DLG2: variants seen among roughly 807,000 people sequenced by gnomAD.
DLG2 encodes disks large homolog 2.
A neutral mutation model predicts 132.5 loss-of-function variants in DLG2; 45 were observed. That is an observed-to-expected ratio of 0.34 (90% CI 0.27 to 0.44). The LOEUF (loss-of-function observed/expected upper bound fraction) is 0.44. Ranked by LOEUF, DLG2 falls within the 20% of genes least tolerant of loss-of-function variation. The pLI is 1.00. For synonymous variants in DLG2, 424 were observed against 419.6 expected (o/e 1.01, Z -0.13); for missense variants, 1,045 against 1,196.9 (o/e 0.87, Z 1.87).
chr11:85,497,060 A>T (rs2093683638), intron 3 of DLG2, among the ~76,000 whole-genome samples: 1 of 152,078 alleles, frequency 6.6e-6, no homozygotes, highest in African/African-American at 2.4e-5. Flanking sequence ...AAGGGAACAA[A>T]ATGAGATGGA....
At chr11:83,798,439 T>C (rs1049431998) in intron 17 of DLG2, among the ~76,000 whole-genome samples, 2 of 152,228 alleles carry the variant, frequency 1.3e-5, no homozygotes, top group Non-Finnish European at 2.9e-5. Flanking sequence ...GACCAGGACT[T>C]TTAACTGGCT....
At chr11:84,011,920 A>T (rs1017201201) in intron 11 of DLG2, among the ~76,000 whole-genome samples, 5 of 152,254 alleles carry the variant, frequency 3.3e-5, no homozygotes, top group Admixed American at 1.3e-4. Context: ...ATGTGTTTCA[A>T]TTCAAAGCTA....
intron 6 of DLG2, among the ~76,000 whole-genome samples, chr11:85,068,296 G>C (rs933537611): frequency 2.0e-5 from 3 of 152,060 alleles, no homozygotes; most frequent in African/African-American, 7.2e-5. Flanking sequence ...GGAAGTTCTG[G>C]CCAGGGCAAT....
chr11:84,235,582 C>T (rs1331917360), intron 8 of DLG2, among the ~76,000 whole-genome samples: 2 of 152,114 alleles, frequency 1.3e-5, no homozygotes, highest in Non-Finnish European at 2.9e-5. Context: ...TTTAAACTTT[C>T]ACAACATGTA....
At chr11:84,194,920 G>A (rs1014188442) in intron 8 of DLG2, among the ~76,000 whole-genome samples, 3 of 152,160 alleles carry the variant, frequency 2.0e-5, no homozygotes, top group Admixed American at 6.5e-5. Flanking sequence ...GCGCCCACCC[G>A]GAACTCGTCC....
At chr11:85,043,686 G>A (rs544247108) in intron 6 of DLG2, among the ~76,000 whole-genome samples, 1 of 151,660 alleles carries the variant, frequency 6.6e-6, no homozygotes, top group Non-Finnish European at 1.5e-5. Flanking sequence ...CAGAAGAAAT[G>A]ACAGAAAAAT....
At chr11:85,385,234 C>A (rs1005356810) in intron 3 of DLG2, among the ~76,000 whole-genome samples, 5 of 151,990 alleles carry the variant, frequency 3.3e-5, no homozygotes, top group Non-Finnish European at 7.4e-5. Context: ...AGCAGCAGAG[C>A]CTGATAGGGT....
chr11:84,728,724 C>T (rs562028694), intron 6 of DLG2, among the ~76,000 whole-genome samples: 1 of 152,132 alleles, frequency 6.6e-6, no homozygotes, highest in African/African-American at 2.4e-5. Flanking sequence ...TGGTCTTGGA[C>T]TTTTTTTGGT....
At chr11:84,295,467 C>T (rs4944478) in intron 7 of DLG2, among the ~76,000 whole-genome samples, 116,839 of 152,032 alleles carry the variant, frequency 0.77, 45,341 homozygotes, top group South Asian at 0.84. Flanking sequence ...CTAATTTTCA[C>T]TGTATTCTCT....
At chr11:84,274,123 T>TA (rs1375431581) in intron 7 of DLG2, among the ~76,000 whole-genome samples, 1 of 152,186 alleles carries the variant, frequency 6.6e-6, no homozygotes, top group African/African-American at 2.4e-5. Flanking sequence ...AAGACTCGTA[T>TA]AAGCATGAAA....
intron 7 of DLG2, among the ~76,000 whole-genome samples, chr11:84,483,611 T>G (rs1295546729): frequency 6.6e-6 from 1 of 152,120 alleles, no homozygotes; most frequent in Admixed American, 6.5e-5. Context: ...CAAACACTCT[T>G]AATTGAAATA....
chr11:85,316,077 T>C (rs2080651270), intron 3 of DLG2, among the ~76,000 whole-genome samples: 1 of 152,006 alleles, frequency 6.6e-6, no homozygotes. Flanking sequence ...CACCACTTAT[T>C]ACATTAGCTG....
chr11:85,103,190 T>C (rs1233202408), intron 6 of DLG2, among the ~76,000 whole-genome samples: 1 of 151,998 alleles, frequency 6.6e-6, no homozygotes, highest in Non-Finnish European at 1.5e-5. Flanking sequence ...ATTCCTCAAA[T>C]TGATGTACAG....
At chr11:84,819,559 TAAAA>T (rs138705542) in intron 6 of DLG2, among the ~76,000 whole-genome samples, 1 of 148,836 alleles carries the variant, frequency 6.7e-6, no homozygotes, top group African/African-American at 2.5e-5. Context: ...GATAACCTGA[TAAAA>T]AAAAAATCAC....
chr11:85,303,341 A>G (rs1199371023), intron 3 of DLG2, among the ~76,000 whole-genome samples: 1 of 152,216 alleles, frequency 6.6e-6, no homozygotes. Flanking sequence ...CTTACTGTAC[A>G]TAGGTTTCAT....
chr11:83,919,236 C>T (rs1260079709), intron 15 of DLG2, among the ~76,000 whole-genome samples: 1 of 152,074 alleles, frequency 6.6e-6, no homozygotes, highest in Non-Finnish European at 1.5e-5. Flanking sequence ...TTCCTCATGT[C>T]CAGTGTAGCT....
In DLG2 at chr11:83,980,565, T is replaced by C. The variant is rs1216194130; in HGVS notation, c.997A>G (p.Ile333Val). The C allele has an allele frequency of 3.7e-6, 6 of 1,613,780 alleles. No individual in the cohort carries two copies. The highest frequency in any genetic ancestry group is 2.7e-5 in the African/African-American group (2 of 74,910). ...GDNSIYVTKI[I>V]DGGAAQKDGR... ...TCTTTTTGTGCAGCTCCTCCATCTATAATTTTAGTTACATAAATGCTGTTG... is the reference window on the plus strand; with the variant it reads ...TCTTTTTGTGCAGCTCCTCCATCTACAATTTTAGTTACATAAATGCTGTTG... Residue 333 changes from isoleucine to valine, a missense_variant, in exon 12 of 28, where the codon ATA becomes GTA. This residue lies in a region of DLG2 where 261 missense variants were observed against 256.1 expected (regional missense o/e 1.02). Transcript: ENST00000376104.
intron 11 of DLG2, among the ~76,000 whole-genome samples, chr11:84,051,689 G>T (rs1216262431): frequency 6.6e-6 from 1 of 150,494 alleles, no homozygotes; most frequent in African/African-American, 2.4e-5. Flanking sequence ...CGAGTTACTG[G>T]GTGCAGCACA....
intron 7 of DLG2, among the ~76,000 whole-genome samples, chr11:84,391,140 T>C (rs1032111268): frequency 2.0e-5 from 3 of 152,152 alleles, no homozygotes; most frequent in African/African-American, 7.2e-5. Flanking sequence ...GAGGACATTA[T>C]TAGAAACCCA....
Sources: gnomAD v4.1 joint callset for allele counts (sites outside exome capture counted in the v4.1 genomes callset) on GRCh38, gnomAD v4.1.1 for gene constraint, gnomAD v4.1.1 regional missense constraint, MANE v1.5 for transcripts, NCBI Gene and HGNC (gene_info 2026-07-23, HGNC 2026-07-21) for gene names.